ANKS1B: variants seen among roughly 807,000 people sequenced by gnomAD.
The protein encoded by ANKS1B is ankyrin repeat and sterile alpha motif domain containing 1B.
A neutral mutation model predicts 148.3 loss-of-function variants in ANKS1B; 36 were observed. The ratio of observed to expected loss-of-function variants is 0.24; its 90% CI spans 0.19 to 0.32. ANKS1B has a LOEUF of 0.32. ANKS1B is among the 10% of genes least tolerant of loss of function. The pLI is 1.00. For synonymous variants in ANKS1B, 542 were observed against 560.8 expected, an observed-to-expected ratio of 0.97 and a Z score of 0.47; for missense variants, 1,157 against 1,542.6, an observed-to-expected ratio of 0.75 and a Z score of 4.19.
intron 14 of ANKS1B, among the ~76,000 whole-genome samples, chr12:99,239,229 T>C (rs1040151754): frequency 2.6e-5 from 4 of 152,178 alleles, no homozygotes; most frequent in Non-Finnish European, 4.4e-5. Flanking sequence ...TTAAATGACC[T>C]GATGGAACTG....
At chr12:98,825,341 A>G (rs2099239134) in intron 19 of ANKS1B, among the ~76,000 whole-genome samples, 1 of 152,256 alleles carries the variant, frequency 6.6e-6, no homozygotes, top group Non-Finnish European at 1.5e-5. Flanking sequence ...AGTTGTACTT[A>G]TTAATACTAT....
chr12:98,829,422 AT>A lies in ANKS1B; in HGVS notation c.2887-70del. On this transcript the variant is annotated intron_variant, in intron 18 of 26. Coordinates refer to ENST00000683438, the MANE Select transcript of ANKS1B (RefSeq NM_001352186.2). The surrounding 1 kb of genome is among the most constrained non-coding windows in gnomAD (Gnocchi z 5.2). Reference sequence around the variant, plus strand: ...TAACCTTTGGTTTCAAAATTGTGAAATACTGACAAGACAAACTGTGGGGGTG... The same window carrying A: ...TAACCTTTGGTTTCAAAATTGTGAAAACTGACAAGACAAACTGTGGGGGTG... 1 of 1,509,974 alleles carries A rather than the reference AT, an allele frequency of 6.6e-7. No individual in the cohort carries two copies. Among genetic ancestry groups the A allele is most frequent in the Non-Finnish European group, 9.0e-7 (1 of 1,111,516 alleles). 93.5% of individuals were successfully genotyped at this position (1,509,974 alleles called of 1,614,324 possible).
chr12:99,070,110 T>C (rs2045784628), intron 16 of ANKS1B, among the ~76,000 whole-genome samples: 1 of 152,202 alleles, frequency 6.6e-6, no homozygotes, highest in African/African-American at 2.4e-5. Context: ...TTTAAGTGAT[T>C]GCTATTAACA....
At chr12:99,095,132 G>T (rs1268317769) in intron 15 of ANKS1B, among the ~76,000 whole-genome samples, 1 of 152,138 alleles carries the variant, frequency 6.6e-6, no homozygotes, top group Non-Finnish European at 1.5e-5. Context: ...AAGGTTCTAT[G>T]TGGATACAAC....
chr12:99,946,536 T>C (rs1481416222), intron 1 of ANKS1B, among the ~76,000 whole-genome samples: 1 of 152,134 alleles, frequency 6.6e-6, no homozygotes, highest in Non-Finnish European at 1.5e-5. Flanking sequence ...CATCTAAACC[T>C]AATTATATCT....
chr12:99,653,913 C>T (rs986041168), intron 9 of ANKS1B, among the ~76,000 whole-genome samples: 2 of 152,120 alleles, frequency 1.3e-5, no homozygotes, highest in Admixed American at 1.3e-4. Context: ...ATCCACCCTC[C>T]TCGGCCTCCC....
intron 18 of ANKS1B, among the ~76,000 whole-genome samples, chr12:98,830,198 T>C (rs1034645938): frequency 2.6e-5 from 4 of 152,148 alleles, no homozygotes; most frequent in African/African-American, 9.7e-5. Context: ...ACTACACTGA[T>C]GGTGCTTATA....
At chr12:99,559,590 T>G (rs1159261305) in intron 9 of ANKS1B, among the ~76,000 whole-genome samples, 1 of 152,228 alleles carries the variant, frequency 6.6e-6, no homozygotes, top group Non-Finnish European at 1.5e-5. Context: ...GGCATTATAT[T>G]AACTTGATGA....
In ANKS1B at chr12:99,336,162, G is replaced by A. The variant is rs190464995; in HGVS notation, c.1756+63469C>T. ...TCTTATACCTCTCTGCCATTTATAC[G>A]TCTTCTATTGAGAGATGTCTATTCA... is the stretch of plus-strand genomic sequence containing the variant. On this transcript the variant is annotated intron_variant, in intron 12 of 26. Coordinates refer to ENST00000683438, the MANE Select transcript of ANKS1B (RefSeq NM_001352186.2). Among the ~76,000 whole-genome samples the A allele has an allele frequency of 2.1e-3, 323 of 152,006 alleles. 4 individuals are homozygous for A. The highest frequency in any genetic ancestry group is 0.021 in the Middle Eastern group (6 of 292).
chr12:99,625,393 G>A (rs927350472), intron 9 of ANKS1B, among the ~76,000 whole-genome samples: 1 of 151,986 alleles, frequency 6.6e-6, no homozygotes, highest in Non-Finnish European at 1.5e-5. Context: ...AATAAAAATA[G>A]AAATTTTAAA....
At chr12:99,870,120 T>C (rs2091313288) in intron 1 of ANKS1B, among the ~76,000 whole-genome samples, 2 of 152,262 alleles carry the variant, frequency 1.3e-5, no homozygotes, top group South Asian at 2.1e-4. Context: ...TAGTCCCCAG[T>C]TTCTATTGTT....
chr12:99,218,712 C>T (rs1430607789), intron 14 of ANKS1B, among the ~76,000 whole-genome samples: 2 of 152,188 alleles, frequency 1.3e-5, no homozygotes, highest in African/African-American at 4.8e-5. Flanking sequence ...CACTTTCCCT[C>T]CATTTCATGG....
At chr12:99,834,413 CA>C (rs1160609433) in intron 1 of ANKS1B, among the ~76,000 whole-genome samples, 1 of 152,056 alleles carries the variant, frequency 6.6e-6, no homozygotes, top group Non-Finnish European at 1.5e-5. Flanking sequence ...AATTACTGCC[CA>C]AAATGAATGT....
chr12:99,914,983 T>C (rs1421137450), intron 1 of ANKS1B, among the ~76,000 whole-genome samples: 1 of 152,024 alleles, frequency 6.6e-6, no homozygotes, highest in Non-Finnish European at 1.5e-5. Flanking sequence ...CCCAGCACTT[T>C]GGTAGGCTGA....
At chr12:99,190,170 A>G (rs2080458939) in intron 14 of ANKS1B, among the ~76,000 whole-genome samples, 1 of 152,188 alleles carries the variant, frequency 6.6e-6, no homozygotes, top group South Asian at 2.1e-4. Context: ...ACTACAAACC[A>G]CTGCTCAAGG....
Position 99,802,903 on chromosome 12 carries a change from C to A in ANKS1B, c.669+3501G>T, listed in dbSNP as rs1279690603. ...CTCCAGCCTGGGTGGCAGAATAAGA[C>A]CCTGCCTTTAAAAAAAAAAAAAAAG... On this transcript the variant is annotated intron_variant, in intron 4 of 26. Coordinates refer to ENST00000683438, the MANE Select transcript of ANKS1B (RefSeq NM_001352186.2). 1.0e-4 allele frequency among the ~76,000 whole-genome samples: 12 copies of A among 114,708 alleles called. 1 individual carries two copies. The highest frequency in any genetic ancestry group is 1.9e-4 in the Non-Finnish European group (11 of 57,160). The allele number at this position is 114,708 out of a possible 152,430, so 75.3% of individuals were successfully genotyped here.
intron 10 of ANKS1B, among the ~76,000 whole-genome samples, chr12:99,462,735 G>C (rs562667986): frequency 3.6e-4 from 55 of 152,280 alleles, no homozygotes; most frequent in Non-Finnish European, 7.2e-4. Context: ...CCCACTGTTG[G>C]AGATGGGCAT....
intron 12 of ANKS1B, among the ~76,000 whole-genome samples, chr12:99,249,906 C>T (rs1482589211): frequency 1.3e-5 from 2 of 152,258 alleles, no homozygotes; most frequent in Non-Finnish European, 2.9e-5. Context: ...TGAGGTGACA[C>T]ATTACCCAGC....
chr12:99,610,107 G>C (rs2097888323), intron 9 of ANKS1B, among the ~76,000 whole-genome samples: 1 of 151,912 alleles, frequency 6.6e-6, no homozygotes, highest in African/African-American at 2.4e-5. Flanking sequence ...ACAAGAAAAG[G>C]TTAACAAGAA....
Sources: allele counts gnomAD v4.1 joint callset (sites outside exome capture counted in the v4.1 genomes callset), GRCh38; gene constraint gnomAD v4.1.1; non-coding constraint Gnocchi (gnomAD v3.1); transcripts MANE v1.5; gene names NCBI Gene and HGNC (gene_info 2026-07-23, HGNC 2026-07-21).